HECTD4: variants seen among roughly 807,000 people sequenced by gnomAD.
The protein encoded by HECTD4 is probable E3 ubiquitin-protein ligase HECTD4.
A neutral mutation model predicts 471.5 loss-of-function variants in HECTD4; 114 were observed. The observed-to-expected ratio is 0.24, with a 90% CI of 0.21 to 0.28. The LOEUF (loss-of-function observed/expected upper bound fraction) is 0.28. Ranked by LOEUF, HECTD4 falls within the 10% of genes least tolerant of loss-of-function variation. HECTD4 has a pLI of 1.00. For synonymous variants in HECTD4, 2,012 were observed against 2,256.0 expected, an observed-to-expected ratio of 0.89 and a Z score of 3.07; for missense variants, 3,866 against 5,651.5, an observed-to-expected ratio of 0.68 and a Z score of 10.13.
At chr12:112,263,004 C>T (rs2034183781) in intron 17 of HECTD4, among the ~76,000 whole-genome samples, 1 of 152,176 alleles carries the variant, frequency 6.6e-6, no homozygotes, top group African/African-American at 2.4e-5. Context: ...TTAAGTCACA[C>T]TAATGACATT....
Position 112,160,752 on chromosome 12 carries a change from G to T in HECTD4, c.*1635C>A, listed in dbSNP as rs1349467709. The T allele has an allele frequency of 6.6e-6, 1 of 152,306 alleles. No homozygotes were observed. The highest frequency in any genetic ancestry group is 3.4e-3 in the Middle Eastern group (1 of 294). The allele number at this position is 152,306 out of a possible 1,614,324, so 9.4% of individuals were successfully genotyped here. A position where few individuals can be genotyped will look rare whatever the true frequency, so the allele number is the denominator to read the frequency against. ...GAAAATAAAAGGATCCTTATTGTCA[G>T]GAATACATCCTGGCTGTGACCCCCC... On this transcript the variant is annotated 3_prime_UTR_variant, in exon 76 of 76. Coordinates refer to ENST00000682272, the MANE Select transcript of HECTD4 (RefSeq NM_001388303.1).
rs1383894732 is a variant in HECTD4, at chr12:112,170,335, C to T, written c.12050G>A (p.Gly4017Glu). 6.2e-7 allele frequency: 1 copy of T among 1,613,818 alleles called. No individual in the cohort carries two copies. Among genetic ancestry groups the T allele is most frequent in the East Asian group, 2.2e-5 (1 of 44,904 alleles). ...EITLDPLEIV[G>E]GEIRASENSY... ...TTGCTCTCCGCAGCCAACCCCACCTCCCACAATTTCCAGTGGGTCCAAGGT... is the reference window on the plus strand; with the variant it reads ...TTGCTCTCCGCAGCCAACCCCACCTTCCACAATTTCCAGTGGGTCCAAGGT... The change falls in exon 69 of 76, where the codon GGA becomes GAA. Residue 4017 changes from glycine to glutamate, a missense_variant and splice_region_variant. Gly to Glu is a moderately conservative substitution (Grantham distance 98). Coordinates refer to ENST00000682272, the MANE Select transcript of HECTD4 (RefSeq NM_001388303.1).
rs757504375 is a variant in HECTD4 at position 112,231,704 on chromosome 12, G to A, written c.6009C>T (p.Cys2003=). The part of the protein sequence containing the change: ...MDRDMTKGGC[C]EVITEEAAAA... ...CTGCAGCCTCTTCTGTAATCACTTC[G>A]CAACAGCCACCCTGGGGTGAGGTTG... Residue 2003 remains cysteine (C), a synonymous_variant, in exon 39 of 76, where the codon TGC becomes TGT. Coordinates refer to ENST00000682272, the MANE Select transcript of HECTD4 (RefSeq NM_001388303.1). 5.0e-6 allele frequency: 8 copies of A among 1,611,000 alleles called. No individual in the cohort carries two copies. Among genetic ancestry groups the A allele is most frequent in the Middle Eastern group, 2.0e-4 (1 of 4,894 alleles).
At chr12:112,220,251 C>T (rs2033050322) in intron 44 of HECTD4, among the ~76,000 whole-genome samples, 4 of 152,056 alleles carry the variant, frequency 2.6e-5, no homozygotes, top group African/African-American at 7.2e-5. Flanking sequence ...ATCTATGGAG[C>T]ACCTGCTATG....
chr12:112,338,132 G>T (rs575513713), intron 1 of HECTD4, among the ~76,000 whole-genome samples: 122 of 152,206 alleles, frequency 8.0e-4, no homozygotes, highest in Non-Finnish European at 1.5e-3. Flanking sequence ...GTAAAGAATC[G>T]GTTTCTTGCT....
chr12:112,332,317 A>G (rs2035858281), intron 1 of HECTD4, among the ~76,000 whole-genome samples: 1 of 151,958 alleles, frequency 6.6e-6, no homozygotes, highest in East Asian at 1.9e-4. Flanking sequence ...TGGATCACCT[A>G]AGGTCGGGAG....
chr12:112,277,029 T>TC (rs1420722863), intron 9 of HECTD4, among the ~76,000 whole-genome samples: 1 of 152,104 alleles, frequency 6.6e-6, no homozygotes. Flanking sequence ...AGTTTAGCAG[T>TC]CCCTCCAAGG....
intron 45 of HECTD4, among the ~76,000 whole-genome samples, chr12:112,218,177 A>G (rs2032982700): frequency 6.6e-6 from 1 of 151,928 alleles, no homozygotes; most frequent in Admixed American, 6.6e-5. Flanking sequence ...AAAAAAATTC[A>G]TATAACACAC....
chr12:112,261,499 A>C (rs372122429), intron 17 of HECTD4, 70 bp from the exon 18 acceptor site: 8 of 1,373,388 alleles, frequency 5.8e-6, no homozygotes, highest in African/African-American at 1.4e-5. Context: ...GACAACATGA[A>C]ATGATGTATT....
intron 15 of HECTD4, 27 bp downstream of exon 15, chr12:112,265,851 A>T (rs2034256740): frequency 6.6e-7 from 1 of 1,520,060 alleles, no homozygotes; most frequent in South Asian, 1.1e-5. Flanking sequence ...CACAAAGGCT[A>T]GAAGTGAATA....
intron 1 of HECTD4, among the ~76,000 whole-genome samples, chr12:112,364,369 T>G (rs1252161108): frequency 6.6e-6 from 1 of 150,872 alleles, no homozygotes; most frequent in Non-Finnish European, 1.5e-5. Context: ...ATTACGCCAC[T>G]GCACTCCAGC....
intron 52 of HECTD4, among the ~76,000 whole-genome samples, 161 bp from the exon 53 acceptor site, chr12:112,204,784 T>C (rs1357432658): frequency 6.6e-6 from 1 of 152,104 alleles, no homozygotes; most frequent in Non-Finnish European, 1.5e-5. Flanking sequence ...ATCTACCATG[T>C]TTGGAATACT....
intron 1 of HECTD4, among the ~76,000 whole-genome samples, chr12:112,370,588 GA>G (rs1169597262): frequency 1.3e-5 from 2 of 151,724 alleles, no homozygotes; most frequent in South Asian, 2.1e-4. Context: ...ATGTAAAAAA[GA>G]AAAAAATAGA....
In HECTD4 at chr12:112,210,225, A is replaced by C; in HGVS notation, c.7657T>G (p.Ser2553Ala). The C allele has an allele frequency of 6.2e-7, 1 of 1,613,952 alleles. No homozygotes were observed. The highest frequency in any genetic ancestry group is 8.5e-7 in the Non-Finnish European group (1 of 1,179,802). ...KNTKTRANFG[S>A]RPFAYAEGQA... ...CCTTCCGCGTAGGCAAACGGCCGGG[A>C]GCCAAAGTTAGCTCGGGTTTTGGTG... Residue 2553 changes from serine (S) to alanine (A), a missense_variant, in exon 50 of 76, where the codon TCC becomes GCC. This residue lies in a region of HECTD4 where 617 missense variants were observed against 915.1 expected (regional missense o/e 0.67). Coordinates refer to ENST00000682272, the MANE Select transcript of HECTD4 (RefSeq NM_001388303.1).
At chr12:112,340,651 C>T (rs554424595) in intron 1 of HECTD4, among the ~76,000 whole-genome samples, 12 of 152,220 alleles carry the variant, frequency 7.9e-5, no homozygotes, top group African/African-American at 2.4e-4. Flanking sequence ...AGGATGAGAA[C>T]GCCTGGTCTA....
At chr12:112,309,774 T>A (rs1345571280) in intron 4 of HECTD4, 105 bp from the exon 5 acceptor site, 2 of 554,862 alleles carry the variant, frequency 3.6e-6, no homozygotes, top group African/African-American at 3.8e-5. Context: ...AGTGAAAGAT[T>A]ACTTCTCACT....
rs533435658 is a variant in HECTD4, at chr12:112,230,027, C to A, written c.6337-147G>T. ...GGGACCAAAAAACTATCAGGTATGG[C>A]CAATGACATCTGCCCATATTTGTCT... On this transcript the variant is annotated intron_variant, in intron 40 of 75. Transcript: ENST00000682272. 13 of 654,074 alleles carry A rather than the reference C, an allele frequency of 2.0e-5. No homozygotes were observed. In the South Asian group the frequency reaches 2.5e-4, roughly 13 times the overall value. The allele number at this position is 654,074 out of a possible 1,614,324, so 40.5% of individuals were successfully genotyped here. A position where few individuals can be genotyped will look rare whatever the true frequency, so the allele number is the denominator to read the frequency against.
At chr12:112,296,623 T>C (rs1193645257) in intron 7 of HECTD4, among the ~76,000 whole-genome samples, 2 of 148,938 alleles carry the variant, frequency 1.3e-5, no homozygotes, top group South Asian at 4.3e-4. Flanking sequence ...GTGCATTGGA[T>C]GTAGGTGCAA....
intron 44 of HECTD4, among the ~76,000 whole-genome samples, chr12:112,222,789 G>A (rs896522978): frequency 2.0e-5 from 3 of 152,140 alleles, no homozygotes; most frequent in African/African-American, 4.8e-5. Flanking sequence ...AGCCTTGATC[G>A]CAACACTGCA....
Sources: gnomAD v4.1 joint callset for allele counts (sites outside exome capture counted in the v4.1 genomes callset) on GRCh38, gnomAD v4.1.1 for gene constraint, gnomAD v4.1.1 regional missense constraint, MANE v1.5 for transcripts, NCBI Gene and HGNC (gene_info 2026-07-23, HGNC 2026-07-21) for gene names.